The following MYO1D variants were observed in gnomAD, a reference collection of about 807,000 sequenced individuals.
The protein encoded by MYO1D is unconventional myosin-Id.
In MYO1D, 83 loss-of-function variants were observed where a neutral mutation model predicts 122.0. The observed-to-expected ratio is 0.68, with a 90% CI of 0.57 to 0.82. MYO1D has a LOEUF of 0.82. MYO1D is among the 40% of genes least tolerant of loss of function. The pLI is 0.00. For synonymous variants in MYO1D, 464 were observed against 446.9 expected (o/e 1.04, Z -0.48); for missense variants, 1,157 against 1,269.5 (o/e 0.91, Z 1.35).
chr17:32,706,737 C>T (rs1325064489), intron 16 of MYO1D, among the ~76,000 whole-genome samples: 1 of 151,988 alleles, frequency 6.6e-6, no homozygotes, highest in Non-Finnish European at 1.5e-5. Context: ...CACTCTGTTG[C>T]CCAGGCTGGA....
At chr17:32,787,062 T>C (rs1042617428) in intron 1 of MYO1D, among the ~76,000 whole-genome samples, 11 of 151,818 alleles carry the variant, frequency 7.2e-5, no homozygotes, top group Non-Finnish European at 4.4e-5. Flanking sequence ...GAAGGCATCA[T>C]TTAAAAGGAG....
chr17:32,549,288 G>A (rs544330447), intron 21 of MYO1D, among the ~76,000 whole-genome samples: 18 of 152,034 alleles, frequency 1.2e-4, no homozygotes, highest in Non-Finnish European at 2.4e-4. Context: ...TAGAGACAAG[G>A]TCTCACTATT....
Position 32,714,965 on chromosome 17 carries a change from GA to G in MYO1D, c.1914-2771del, listed in dbSNP as rs551752626. On this transcript the variant is annotated intron_variant, in intron 15 of 21. Transcript: ENST00000318217. ...AAAAGGAAATTAAGCAAATGTACAA[GA>G]AAAAAAAAATCAAACAACCCCATTA... Among the ~76,000 whole-genome samples the G allele has an allele frequency of 6.9e-4, 102 of 147,372 alleles. 1 individual carries two copies. Among genetic ancestry groups the G allele is most frequent in the African/African-American group, 2.3e-3 (91 of 40,270 alleles).
chr17:32,771,982 T>C (rs1417751938), intron 5 of MYO1D, among the ~76,000 whole-genome samples: 1 of 152,230 alleles, frequency 6.6e-6, no homozygotes, highest in Admixed American at 6.5e-5. Context: ...AAAGTCTAAT[T>C]ATCAGATTTT....
chr17:32,513,451 T>C lies in MYO1D; in HGVS notation c.2865-18536A>G, dbSNP rs1410835740. On this transcript the variant is annotated intron_variant, in intron 21 of 21. Transcript: ENST00000318217. ...GAGGTGGAAAGAGAGAATGAGTTTG[T>C]TTTTTGGACAGTGTTGAGTTTGACT... Among the ~76,000 whole-genome samples the C allele has an allele frequency of 3.9e-5, 6 of 152,210 alleles. No individual in the cohort carries two copies. In the East Asian group the frequency reaches 7.7e-4, roughly 20 times the overall value.
chr17:32,790,620 C>T (rs2090341235), intron 1 of MYO1D, among the ~76,000 whole-genome samples: 1 of 152,242 alleles, frequency 6.6e-6, no homozygotes, highest in Non-Finnish European at 1.5e-5. Context: ...CAAACAGCAA[C>T]TTTTATTCTA....
intron 1 of MYO1D, among the ~76,000 whole-genome samples, chr17:32,812,394 T>C (rs1338865913): frequency 6.6e-6 from 1 of 152,260 alleles, no homozygotes; most frequent in Non-Finnish European, 1.5e-5. Context: ...AGAGTTTCTC[T>C]TCCTATTTTA....
intron 16 of MYO1D, among the ~76,000 whole-genome samples, chr17:32,682,106 A>G (rs1368936520): frequency 9.2e-6 from 1 of 108,824 alleles, no homozygotes; most frequent in Non-Finnish European, 1.8e-5. Flanking sequence ...TTTGCTTGGT[A>G]GATCTTCCTC....
At chr17:32,711,647 G>C (rs58048468) in intron 16 of MYO1D, among the ~76,000 whole-genome samples, 4,103 of 151,842 alleles carry the variant, frequency 0.027, 138 homozygotes, top group East Asian at 0.19. Context: ...CTCCGTCTCG[G>C]GGGGGAAAAA....
At chr17:32,517,592 T>C (rs1439433386) in intron 21 of MYO1D, among the ~76,000 whole-genome samples, 3 of 152,208 alleles carry the variant, frequency 2.0e-5, no homozygotes, top group African/African-American at 2.4e-5. Flanking sequence ...GAATGTCGCG[T>C]TGTTAAAGCT....
At chr17:32,549,599 G>A (rs1157210049) in intron 21 of MYO1D, among the ~76,000 whole-genome samples, 1 of 152,162 alleles carries the variant, frequency 6.6e-6, no homozygotes, top group African/African-American at 2.4e-5. Flanking sequence ...CGTTTGGAGA[G>A]GGTCTGCCAT....
intron 21 of MYO1D, among the ~76,000 whole-genome samples, chr17:32,511,871 C>A (rs1204274358): frequency 1.3e-5 from 2 of 152,122 alleles, no homozygotes; most frequent in Non-Finnish European, 2.9e-5. Context: ...TATCAAGAAG[C>A]ATTTAAATTT....
intron 14 of MYO1D, among the ~76,000 whole-genome samples, chr17:32,722,414 C>A (rs2089522844): frequency 6.6e-6 from 1 of 152,156 alleles, no homozygotes; most frequent in Non-Finnish European, 1.5e-5. Flanking sequence ...CAGAAGAAAA[C>A]CCATTTTCTC....
intron 16 of MYO1D, among the ~76,000 whole-genome samples, chr17:32,682,513 C>T (rs2088935187): frequency 6.6e-6 from 1 of 151,396 alleles, no homozygotes; most frequent in African/African-American, 2.4e-5. Context: ...ACTTATGAAG[C>T]TTAGTTTGGC....
chr17:32,495,602 C>G (rs62065493), intron 21 of MYO1D: 58,267 of 152,088 alleles, frequency 0.38, 12,187 homozygotes, highest in Non-Finnish European at 0.46. Context: ...AAGCTGTGCT[C>G]TTCCTGCTGG....
At chr17:32,620,145 G>A (rs761889697) in intron 20 of MYO1D, among the ~76,000 whole-genome samples, 1 of 152,092 alleles carries the variant, frequency 6.6e-6, no homozygotes, top group Non-Finnish European at 1.5e-5. Flanking sequence ...TCCAGGAGTG[G>A]GTGGAAACCT....
At chr17:32,757,807 C>G (rs2089964116) in intron 10 of MYO1D, among the ~76,000 whole-genome samples, 1 of 152,110 alleles carries the variant, frequency 6.6e-6, no homozygotes, top group African/African-American at 2.4e-5. Flanking sequence ...CTAAGTTCTT[C>G]CAGCAACTTG....
At chr17:32,773,115 T>G (rs2090135384) in intron 4 of MYO1D, among the ~76,000 whole-genome samples, 1 of 152,218 alleles carries the variant, frequency 6.6e-6, no homozygotes, top group African/African-American at 2.4e-5. Flanking sequence ...AAGACTGACT[T>G]ACGACCTCAA....
Position 32,721,252 on chromosome 17 carries a change from A to G in MYO1D, c.1747-63T>C, listed in dbSNP as rs980553783. On this transcript the variant is annotated intron_variant, in intron 14 of 21. Transcript: ENST00000318217. ...AGAAAATTTCCCAGCTAGGGACACTAACATGTAATTAGTGTTAATTGTGTC... is the reference window on the plus strand; with the variant it reads ...AGAAAATTTCCCAGCTAGGGACACTGACATGTAATTAGTGTTAATTGTGTC... 2.3e-5 allele frequency: 34 copies of G among 1,464,420 alleles called. No homozygotes were observed. The East Asian group carries it at 5.9e-4, about 25-fold the overall frequency. The allele number at this position is 1,464,420 out of a possible 1,614,324, so 90.7% of individuals were successfully genotyped here.
Sources: allele counts gnomAD v4.1 joint callset (sites outside exome capture counted in the v4.1 genomes callset), GRCh38; gene constraint gnomAD v4.1.1; transcripts MANE v1.5; gene names NCBI Gene and HGNC (gene_info 2026-07-23, HGNC 2026-07-21).